The following NOBOX variants were observed in gnomAD, a reference collection of about 807,000 sequenced individuals.
NOBOX encodes NOBOX oogenesis homeobox.
In NOBOX, 46 loss-of-function variants were observed where a neutral mutation model predicts 60.2. That is an observed-to-expected ratio of 0.76 (90% confidence interval 0.60 to 0.98). The LOEUF is 0.98. Among genes scored for constraint, NOBOX ranks in the 50% least tolerant of loss-of-function variants. The pLI is 0.00. For missense variants in NOBOX, 880 were observed against 865.5 expected (o/e 1.02, Z -0.21); for synonymous variants, 360 against 346.3 (o/e 1.04, Z -0.44).
At position 144,401,829 on chromosome 7, in the gene NOBOX, G is replaced by A. The variant is rs727713; in HGVS notation, c.292+40C>T. On this transcript the variant is annotated intron_variant, in intron 3 of 9. Coordinates refer to ENST00000467773, the MANE Select transcript of NOBOX (RefSeq NM_001080413.3). This position sits in a 1 kb window ranked among gnomAD's most constrained non-coding sequence, Gnocchi z 4.2. ...AGACAAATTTATGCAATTCTGAGAC[G>A]GCGTTAGCTCATGGTATCTCCTAAT... is the stretch of plus-strand genomic sequence containing the variant. 216,101 of 1,354,170 alleles carry A rather than the reference G, an allele frequency of 0.16. 19,218 individuals carry two copies. The highest frequency in any genetic ancestry group is 0.22 in the South Asian group (18,075 of 80,818). 83.9% of individuals were successfully genotyped at this position (1,354,170 alleles called of 1,614,324 possible).
Position 144,398,691 on chromosome 7 carries a change from G to A in NOBOX, c.1470-105C>T. The A allele has an allele frequency of 6.1e-6, 5 of 823,262 alleles. No individual in the cohort carries two copies. In the South Asian group the frequency reaches 6.6e-5, roughly 11 times the overall value. The allele number at this position is 823,262 out of a possible 1,614,324, so 51.0% of individuals were successfully genotyped here. A position where few individuals can be genotyped will look rare whatever the true frequency, so the allele number is the denominator to read the frequency against. Reference sequence around the variant, plus strand: ...CTCTCGCCTCCTCCTCATCTCCATGGTAAGCCCAGCCTTGCAAGGCTGCTG... The same window carrying A: ...CTCTCGCCTCCTCCTCATCTCCATGATAAGCCCAGCCTTGCAAGGCTGCTG... On this transcript the variant is annotated intron_variant, in intron 8 of 9. Coordinates refer to ENST00000467773, the MANE Select transcript of NOBOX (RefSeq NM_001080413.3).
Position 144,401,344 on chromosome 7 carries a change from C to T in NOBOX, c.546G>A (p.Gly182=), listed in dbSNP as rs1184207268. The change falls in exon 4 of 10, where the codon GGG becomes GGA. Residue 182 remains glycine (G), a synonymous_variant. Transcript: ENST00000467773. The surrounding 1 kb of genome is among the most constrained non-coding windows in gnomAD (Gnocchi z 4.2). ...CTCCCACTGGGAGGGAACAATCTTC[C>T]CCCTGAGTCTGGGGCCTGGAGCGGG... 6.2e-7 allele frequency: 1 copy of T among 1,613,782 alleles called. No individual in the cohort carries two copies. The highest frequency in any genetic ancestry group is 8.5e-7 in the Non-Finnish European group (1 of 1,179,800).
rs1410378470 is a variant in NOBOX at position 144,398,380 on chromosome 7, AAG to A, written c.1674_1675del (p.Phe559TyrfsTer39). 5 of 1,537,106 alleles carry A rather than the reference AAG, an allele frequency of 3.3e-6. No individual in the cohort carries two copies. The highest frequency in any genetic ancestry group is 4.4e-6 in the Non-Finnish European group (5 of 1,146,906). On this transcript the variant is annotated frameshift_variant, in exon 9 of 10. Coordinates refer to ENST00000467773, the MANE Select transcript of NOBOX (RefSeq NM_001080413.3). LOFTEE classifies it high-confidence loss of function. Reference sequence around the variant, plus strand: ...CCCGCTGGGGCCACAGGGAAACATAAAGAGAGAGTCTTCGGGCGGTGGAAGCG... The same window carrying A: ...CCCGCTGGGGCCACAGGGAAACATAAAGAGAGTCTTCGGGCGGTGGAAGCG...
intron 1 of NOBOX, among the ~76,000 whole-genome samples, chr7:144,409,175 G>C (rs2054005739): frequency 6.6e-6 from 1 of 152,194 alleles, no homozygotes; most frequent in African/African-American, 2.4e-5. Context: ...TTTTGGTATA[G>C]TAGCATTATT....
In NOBOX at chr7:144,400,315, G is replaced by A. The variant is rs774186095; in HGVS notation, c.845-3C>T. The stretch of plus-strand genomic sequence containing the variant: ...CTTCTCTAGCTCCTCCAGCTGATCT[G>A]AAAGAAGAAGAAACTTGTGTGAGGA... On this transcript the variant is annotated splice_polypyrimidine_tract_variant and splice_region_variant and intron_variant, in intron 4 of 9. Transcript: ENST00000467773. The A allele has an allele frequency of 5.0e-6, 8 of 1,613,156 alleles. No individual in the cohort carries two copies. The East Asian group carries it at 1.3e-4, about 27-fold the overall frequency.
At position 144,398,815 on chromosome 7, in the gene NOBOX, T is replaced by C. The variant is rs914440762; in HGVS notation, c.1469+135A>G. On this transcript the variant is annotated intron_variant, in intron 8 of 9. Coordinates refer to ENST00000467773, the MANE Select transcript of NOBOX (RefSeq NM_001080413.3). ...GTCATTCCCCAGATCCCCTTATCCCTTTCATCCCCATCTCCTGTACCACTC... is the reference window on the plus strand; with the variant it reads ...GTCATTCCCCAGATCCCCTTATCCCCTTCATCCCCATCTCCTGTACCACTC... 3 of 648,972 alleles carry C rather than the reference T, an allele frequency of 4.6e-6. No individual in the cohort carries two copies. The East Asian group carries it at 8.2e-5, about 18-fold the overall frequency. The allele number at this position is 648,972 out of a possible 1,614,324, so 40.2% of individuals were successfully genotyped here.
At chr7:144,398,645 C>T in intron 8 of NOBOX, 59 bp from the exon 7 acceptor site, 1 of 1,255,300 alleles carries the variant, frequency 8.0e-7, no homozygotes, top group Non-Finnish European at 1.1e-6. Flanking sequence ...CCCGTTCCTA[C>T]CACAGTAGCG....
chr7:144,397,214 C>G, downstream of NOBOX: 3 of 1,508,466 alleles, frequency 2.0e-6, no homozygotes, highest in Non-Finnish European at 2.7e-6. Flanking sequence ...ACCCAAGCAG[C>G]CTCTTTTCAC....
rs375490984 is a variant in NOBOX, at chr7:144,399,381, G to A, written c.1240+16C>T. The A allele has an allele frequency of 3.0e-5, 46 of 1,544,334 alleles. No individual in the cohort carries two copies. The African/African-American group carries it at 5.6e-4, about 19-fold the overall frequency. ...TTAGTTGCCATTTTCCCCCAGCTCT[G>A]AAGGTGGGAACTCACCTGGAAAGGT... On this transcript the variant is annotated intron_variant, in intron 7 of 9. Coordinates refer to ENST00000467773, the MANE Select transcript of NOBOX (RefSeq NM_001080413.3).
chr7:144,403,843 C>A (rs2053963036), intron 2 of NOBOX, 150 bp from the exon 1 acceptor site: 4 of 344,476 alleles, frequency 1.2e-5, no homozygotes, highest in Non-Finnish European at 2.1e-5. Context: ...CCCACCCCCA[C>A]CCCCAGGGCG....
At chr7:144,403,342 G>A (rs1181466968) in intron 2 of NOBOX, among the ~76,000 whole-genome samples, 1 of 152,154 alleles carries the variant, frequency 6.6e-6, no homozygotes, top group Admixed American at 6.5e-5. Flanking sequence ...TGGGAGTGAT[G>A]TGCGCTAGTA....
chr7:144,404,496 G>T (rs772247190), intron 2 of NOBOX: 4 of 1,455,204 alleles, frequency 2.7e-6, no homozygotes, highest in Non-Finnish European at 3.8e-6. Context: ...TTATCTGCCC[G>T]CCTGGGCTTC....
rs901658217 is a variant in NOBOX, at chr7:144,398,483, G to A, written c.1573C>T (p.Pro525Ser). Residue 525 changes from proline to serine, a missense_variant, in exon 9 of 10, where the codon CCC (proline) becomes TCC (serine). Pro to Ser is a moderately conservative substitution (Grantham distance 74, BLOSUM62 -1). Coordinates refer to ENST00000467773, the MANE Select transcript of NOBOX (RefSeq NM_001080413.3). Reference sequence around the variant, plus strand: ...GGCTGAGGGGACTGGAAAAGCGGGGGCTGTGGAGCCTGGGAGAACTGGAAG... The same window carrying A: ...GGCTGAGGGGACTGGAAAAGCGGGGACTGTGGAGCCTGGGAGAACTGGAAG... 3.3e-6 allele frequency: 5 copies of A among 1,536,946 alleles called. No homozygotes were observed. In the African/African-American group the frequency reaches 4.1e-5, roughly 13 times the overall value.
At chr7:144,405,385 A>C (rs999901552) in intron 1 of NOBOX, among the ~76,000 whole-genome samples, 6 of 152,204 alleles carry the variant, frequency 3.9e-5, no homozygotes, top group African/African-American at 1.4e-4. Context: ...CCTTGCTCAC[A>C]GAAGCTTACT....
chr7:144,408,014 T>C (rs1587099273), intron 1 of NOBOX, among the ~76,000 whole-genome samples: 1 of 152,154 alleles, frequency 6.6e-6, no homozygotes, highest in East Asian at 1.9e-4. Flanking sequence ...TATTCTAGTC[T>C]TCTCCAGGAT....
At chr7:144,403,008 C>T (rs558908607) in intron 2 of NOBOX, among the ~76,000 whole-genome samples, 2 of 152,226 alleles carry the variant, frequency 1.3e-5, no homozygotes, top group South Asian at 4.1e-4. Flanking sequence ...CCACCAGCCT[C>T]GCCCTCCCAA....
chr7:144,399,183 G>T lies in NOBOX; in HGVS notation c.1241-5C>A, dbSNP rs1262260585. 6.8e-7 allele frequency: 1 copy of T among 1,462,168 alleles called. No homozygotes were observed. The highest frequency in any genetic ancestry group is 9.4e-7 in the Non-Finnish European group (1 of 1,060,102). The allele number at this position is 1,462,168 out of a possible 1,614,324, so 90.6% of individuals were successfully genotyped here. On this transcript the variant is annotated splice_region_variant and splice_polypyrimidine_tract_variant and intron_variant, in intron 7 of 9. Coordinates refer to ENST00000467773, the MANE Select transcript of NOBOX (RefSeq NM_001080413.3). The stretch of plus-strand genomic sequence containing the variant: ...AAGTCAGCAGCATGGGGGGCTCTAG[G>T]AACAGAAGGCAAAGAGGTGCTATAA...
chr7:144,402,391 C>T (rs1455082814), intron 2 of NOBOX, among the ~76,000 whole-genome samples: 1 of 152,174 alleles, frequency 6.6e-6, no homozygotes, highest in Non-Finnish European at 1.5e-5. Flanking sequence ...TGGCGCTAAG[C>T]ACCTTTCAAA....
intron 2 of NOBOX, 27 bp downstream of exon 1, chr7:144,403,630 C>A: frequency 1.4e-6 from 1 of 699,776 alleles, no homozygotes; most frequent in Non-Finnish European, 2.6e-6. Context: ...GCCTGACCCC[C>A]TCGCACGACG....
Sources: gnomAD v4.1 joint callset for allele counts (sites outside exome capture counted in the v4.1 genomes callset) on GRCh38, gnomAD v4.1.1 for gene constraint, Gnocchi (gnomAD v3.1) non-coding constraint, MANE v1.5 for transcripts, NCBI Gene and HGNC (gene_info 2026-07-23, HGNC 2026-07-21) for gene names.